MTRR: variants seen among roughly 807,000 people sequenced by gnomAD.
The protein encoded by MTRR is methionine synthase reductase.
A neutral mutation model predicts 79.2 loss-of-function variants in MTRR; 63 were observed. The ratio of observed to expected loss-of-function variants is 0.80; its 90% CI spans 0.65 to 0.98. MTRR has a LOEUF of 0.98. Among genes scored for constraint, MTRR ranks in the 50% least tolerant of loss-of-function variants. The pLI is 0.00. For synonymous variants in MTRR, 355 were observed against 313.3 expected, an observed-to-expected ratio of 1.13 and a Z score of -1.41; for missense variants, 895 against 839.6, an observed-to-expected ratio of 1.07 and a Z score of -0.82.
intron 9 of MTRR, chr5:7,890,481 G>A (rs1011815255): frequency 4.5e-5 from 41 of 918,308 alleles, no homozygotes; most frequent in Non-Finnish European, 4.8e-5. Context: ...TCTTTTCGTA[G>A]ATTTTTTGTT....
chr5:7,892,519 C>A (rs1737777470), intron 10 of MTRR, among the ~76,000 whole-genome samples: 1 of 152,026 alleles, frequency 6.6e-6, no homozygotes, highest in Admixed American at 6.5e-5. Context: ...AAATTGGAAA[C>A]TTTCTTGAAT....
At chr5:7,867,251 T>G (rs768225227), upstream of MTRR, 4 of 1,613,998 alleles carry the variant, frequency 2.5e-6, no homozygotes, top group East Asian at 8.9e-5. Flanking sequence ...GTTTATCTTA[T>G]TTAAAAATGT....
At chr5:7,875,456 A>G in intron 4 of MTRR, 81 bp downstream of exon 4, 1 of 1,201,806 alleles carries the variant, frequency 8.3e-7, no homozygotes, top group South Asian at 1.2e-5. Flanking sequence ...TCAGCTTTTC[A>G]CTTAACACTG....
chr5:7,865,875 C>G (rs1229519436), upstream of MTRR: 1 of 1,577,770 alleles, frequency 6.3e-7, no homozygotes, highest in Non-Finnish European at 8.7e-7. Context: ...GGAAATAAAG[C>G]CACATATAGT....
At chr5:7,897,405 CA>C (rs1738723330) in intron 14 of MTRR, among the ~76,000 whole-genome samples, 158 bp downstream of exon 14, 2 of 152,260 alleles carry the variant, frequency 1.3e-5, no homozygotes, top group African/African-American at 4.8e-5. Flanking sequence ...ATGATTTTGA[CA>C]TATTTAATAG....
Position 7,890,762 on chromosome 5 carries a change from G to A in MTRR, c.1328-610G>A, listed in dbSNP as rs1737405918. Among the ~76,000 whole-genome samples the A allele has an allele frequency of 3.9e-5, 6 of 152,188 alleles. No individual in the cohort carries two copies. In the South Asian group the frequency reaches 1.2e-3, roughly 32 times the overall value. On this transcript the variant is annotated intron_variant, in intron 9 of 14. Transcript: ENST00000440940. Reference sequence around the variant, plus strand: ...ACATAAAACATTTCAAAGTTTATTAGTGGATAGTTCAATATTTAAATACAG... The same window carrying A: ...ACATAAAACATTTCAAAGTTTATTAATGGATAGTTCAATATTTAAATACAG...
chr5:7,860,429 A>G (rs950716547), intron 1 of MTRR, among the ~76,000 whole-genome samples: 3 of 152,244 alleles, frequency 2.0e-5, no homozygotes, highest in African/African-American at 7.2e-5. Flanking sequence ...TTTATTTATT[A>G]AATCAAGGAG....
rs771949830 is a variant in MTRR at position 7,889,213 on chromosome 5, C to T, written c.1265C>T (p.Ala422Val). ...AGCCGCTTTGTACGAGATGCCTGTG[C>T]CTGCTTGTTGGATCTCCTCCTCGCT... is the stretch of plus-strand genomic sequence containing the variant. ...DYSRFVRDAC[A>V]CLLDLLLAFP... Residue 422 changes from alanine (A) to valine (V), a missense_variant, in exon 9 of 15, where the codon GCC becomes GTC. By Grantham distance (64) the Ala-to-Val change is moderately conservative (BLOSUM62 0). Coordinates refer to ENST00000440940, the MANE Select transcript of MTRR (RefSeq NM_002454.3). 2.5e-6 allele frequency: 4 copies of T among 1,613,700 alleles called. No individual in the cohort carries two copies. The highest frequency in any genetic ancestry group is 3.3e-5 in the Admixed American group (2 of 60,012).
chr5:7,862,951 G>T, intron 2 of MTRR: 2 of 1,613,998 alleles, frequency 1.2e-6, no homozygotes, highest in Non-Finnish European at 1.7e-6. Flanking sequence ...GGAACAGCAT[G>T]GGGTAAGAAA....
Position 7,870,941 on chromosome 5 carries a change from G to A in MTRR, c.129+18G>A. ...CCGATAAGGTTAGAGCCGTTACAGTGGATTTTACCGTTTTGTGCTTTGAAG... is the reference window on the plus strand; with the variant it reads ...CCGATAAGGTTAGAGCCGTTACAGTAGATTTTACCGTTTTGTGCTTTGAAG... On this transcript the variant is annotated intron_variant, in intron 2 of 14. Transcript: ENST00000440940. 1 of 1,614,022 alleles carries A rather than the reference G, an allele frequency of 6.2e-7. No individual in the cohort carries two copies. Among genetic ancestry groups the A allele is most frequent in the East Asian group, 2.2e-5 (1 of 44,870 alleles).
At chr5:7,885,893 C>T (rs1170284827) in intron 7 of MTRR, 39 bp downstream of exon 7, 1 of 1,613,252 alleles carries the variant, frequency 6.2e-7, no homozygotes, top group Non-Finnish European at 8.5e-7. Context: ...GTGTTGTGGG[C>T]CAGTGGACTG....
intron 7 of MTRR, among the ~76,000 whole-genome samples, chr5:7,886,149 A>G (rs1186346471): frequency 6.6e-6 from 1 of 152,150 alleles, no homozygotes; most frequent in Admixed American, 6.6e-5. Context: ...GTTATTTTTA[A>G]AAATTCTTTT....
intron 9 of MTRR, chr5:7,890,272 C>G: frequency 8.1e-6 from 8 of 985,296 alleles, no homozygotes; most frequent in Non-Finnish European, 9.6e-6. Flanking sequence ...GTTTTTTCCA[C>G]TTAGGACCTC....
At chr5:7,887,794 A>G (rs1005417116) in intron 8 of MTRR, among the ~76,000 whole-genome samples, 1 of 9,266 alleles carries the variant, frequency 1.1e-4, no homozygotes, top group African/African-American at 3.1e-4. Context: ...GTGTGTGTGC[A>G]TATATATATA....
intron 1 of MTRR, chr5:7,861,468 A>G: frequency 1.4e-6 from 1 of 727,796 alleles, no homozygotes. Context: ...TCTGAAATGT[A>G]GTATTTTAAT....
At chr5:7,893,757 C>G (rs1034224731) in intron 11 of MTRR, 3 of 151,996 alleles carry the variant, frequency 2.0e-5, no homozygotes, top group Non-Finnish European at 2.9e-5. Flanking sequence ...GTTCATAGAC[C>G]TCAATAGTGG....
intron 1 of MTRR, 82 bp from the exon 2 acceptor site, chr5:7,870,688 T>G (rs1048953042): frequency 4.1e-6 from 6 of 1,459,476 alleles, no homozygotes; most frequent in Admixed American, 3.5e-5. Flanking sequence ...TTGCATTGTT[T>G]CTTAAAGATT....
intron 1 of MTRR, 59 bp downstream of exon 1, chr5:7,869,274 C>T: frequency 1.9e-6 from 3 of 1,578,316 alleles, no homozygotes; most frequent in South Asian, 1.1e-5. Flanking sequence ...CACTAATCTC[C>T]TGGGAGAGGC....
At chr5:7,867,304 AT>A, upstream of MTRR, 1 of 1,613,804 alleles carries the variant, frequency 6.2e-7, no homozygotes, top group Non-Finnish European at 8.5e-7. Flanking sequence ...GCAAGATTCT[AT>A]AAAGGGCCAC....
Sources: allele counts gnomAD v4.1 joint callset (sites outside exome capture counted in the v4.1 genomes callset), GRCh38; gene constraint gnomAD v4.1.1; transcripts MANE v1.5; gene names NCBI Gene and HGNC (gene_info 2026-07-23, HGNC 2026-07-21).